Variants in EFCAB3 observed in about 807,000 individuals in gnomAD.
EFCAB3 encodes the protein EF-hand calcium-binding domain-containing protein 3.
EFCAB3 carries 36 observed loss-of-function variants against 42.2 expected under a neutral mutation model. That is an observed-to-expected ratio of 0.85 (90% CI 0.65 to 1.13). The LOEUF is 1.13. Ranked by LOEUF, EFCAB3 falls within the 50% of genes most tolerant of loss-of-function variation. The probability of loss-of-function intolerance (pLI) is 0.00; values close to 1 mark genes in which losing one functional copy is unlikely to be tolerated. For synonymous variants in EFCAB3, 170 were observed against 172.8 expected, an observed-to-expected ratio of 0.98 and a Z score of 0.13; for missense variants, 418 against 505.1, an observed-to-expected ratio of 0.83 and a Z score of 1.65.
At position 62,406,509 on chromosome 17, in the gene EFCAB3, G is replaced by C. The variant is rs937396726; in HGVS notation, c.518G>C (p.Gly173Ala). The C allele has an allele frequency of 5.6e-6, 9 of 1,605,828 alleles. No individual in the cohort carries two copies. The Admixed American group carries it at 8.4e-5, about 15-fold the overall frequency. ...SYFQRKFQHT[G>A]PGMLWSPYTM... ...TTCCAAAGAAAATTCCAGCATACTG[G>C]CCCAGGAATGTTGTGGAGTCCCTAC... Residue 173 changes from glycine to alanine, a missense_variant, in exon 7 of 10, where the codon GGC becomes GCC. Physicochemically the swap from Gly to Ala is moderately conservative, Grantham distance 60 (BLOSUM62 0). Coordinates refer to ENST00000305286, the MANE Select transcript of EFCAB3 (RefSeq NM_173503.4).
chr17:62,372,911 C>A (rs573707737), intron 1 of EFCAB3, among the ~76,000 whole-genome samples: 81 of 152,294 alleles, frequency 5.3e-4, no homozygotes, highest in Non-Finnish European at 5.9e-4. Context: ...CCTCAAAATA[C>A]CTTGTTCCTT....
chr17:62,391,867 G>C lies in EFCAB3; in HGVS notation c.197G>C (p.Cys66Ser), dbSNP rs766872850. Residue 66 changes from cysteine to serine, a missense_variant, in exon 4 of 10, where the codon TGT (cysteine) becomes TCT (serine). Coordinates refer to ENST00000305286, the MANE Select transcript of EFCAB3 (RefSeq NM_173503.4). The part of the protein sequence containing the change: ...YNFFYKDKTG[C>S]IDFHGLMCTV... The stretch of plus-strand genomic sequence containing the variant: ...TTCTTCTACAAGGACAAAACTGGCT[G>C]TATTGATTTCCATGGACTGATGTGC... 3.7e-6 allele frequency: 6 copies of C among 1,613,616 alleles called. No individual in the cohort carries two copies. The highest frequency in any genetic ancestry group is 4.2e-6 in the Non-Finnish European group (5 of 1,179,824).
rs183232780 is a variant in EFCAB3 at position 62,410,943 on chromosome 17, G to C, written c.868-2789G>C. ...TCTGCTCAAAGCTCTGAATAGAGAA[G>C]AAAGTATTCTGTGAAGAATTTGAAA... is the stretch of plus-strand genomic sequence containing the variant. On this transcript the variant is annotated intron_variant, in intron 8 of 9. Transcript: ENST00000305286. 9.0e-4 allele frequency among the ~76,000 whole-genome samples: 137 copies of C among 152,298 alleles called. No individual in the cohort carries two copies. The East Asian group carries it at 0.017, about 19-fold the overall frequency.
chr17:62,370,519 G>T (rs1374104500), intron 1 of EFCAB3, among the ~76,000 whole-genome samples: 1 of 152,112 alleles, frequency 6.6e-6, no homozygotes, highest in Non-Finnish European at 1.5e-5. Flanking sequence ...AACTGGGCGT[G>T]GTGGTGGGCA....
rs751024550 is a variant in EFCAB3, at chr17:62,416,133, C to G, written c.1121C>G (p.Thr374Ser). The change falls in exon 10 of 10, where the codon ACC (threonine) becomes AGC (serine). Residue 374 changes from threonine to serine, a missense_variant. Transcript: ENST00000305286. ...MDSRNESFYD[T>S]FSTYTWSWNV... is the part of the protein sequence containing the mutation. ...TCTAGAAATGAGTCCTTTTATGACA[C>G]CTTTTCTACTTATACATGGTCCTGG... The G allele has an allele frequency of 2.5e-6, 4 of 1,613,950 alleles. No individual in the cohort carries two copies. The East Asian group carries it at 8.9e-5, about 36-fold the overall frequency.
chr17:62,404,014 C>T (rs1045280433), intron 6 of EFCAB3, among the ~76,000 whole-genome samples: 1 of 152,164 alleles, frequency 6.6e-6, no homozygotes, highest in Non-Finnish European at 1.5e-5. Context: ...TCAAATACTC[C>T]ATGCTCTCTC....
chr17:62,415,905 T>C, intron 9 of EFCAB3, 98 bp from the exon 10 acceptor site: 1 of 1,044,680 alleles, frequency 9.6e-7, no homozygotes, highest in South Asian at 1.7e-5. Context: ...GACTTTCGAG[T>C]AGCCCAGGGA....
At chr17:62,378,798 T>C (rs2070171352), upstream of EFCAB3, among the ~76,000 whole-genome samples, 1 of 151,454 alleles carries the variant, frequency 6.6e-6, no homozygotes, top group African/African-American at 2.4e-5. Flanking sequence ...AGGGGAGAGA[T>C]AGCATTAGGA....
chr17:62,391,651 C>T (rs2070303102), intron 3 of EFCAB3, among the ~76,000 whole-genome samples, 171 bp from the exon 4 acceptor site: 1 of 152,098 alleles, frequency 6.6e-6, no homozygotes, highest in Non-Finnish European at 1.5e-5. Flanking sequence ...AGTTCAAGTT[C>T]CGTGGAAGGA....
rs978325164 is a variant in EFCAB3, at chr17:62,415,114, A to C, written c.991-889A>C. Among the ~76,000 whole-genome samples, 53 of 147,040 alleles carry C rather than the reference A, an allele frequency of 3.6e-4. No homozygotes were observed. The East Asian group carries it at 6.4e-3, about 18-fold the overall frequency. ...GCAAGACTCCGTCTCAAAAACAAAA[A>C]AAAACAAAAAAAAACAAAAAAACCA... is the stretch of plus-strand genomic sequence containing the variant. On this transcript the variant is annotated intron_variant, in intron 9 of 9. Coordinates refer to ENST00000305286, the MANE Select transcript of EFCAB3 (RefSeq NM_173503.4).
intron 3 of EFCAB3, among the ~76,000 whole-genome samples, chr17:62,387,634 AAAG>A (rs1175549228): frequency 3.3e-5 from 5 of 152,218 alleles, no homozygotes; most frequent in Admixed American, 6.5e-5. Flanking sequence ...AACTGTATTC[AAAG>A]AAGAACTTGT....
intron 2 of EFCAB3, among the ~76,000 whole-genome samples, chr17:62,384,983 A>C (rs1045094655): frequency 1.3e-5 from 2 of 152,212 alleles, no homozygotes; most frequent in Non-Finnish European, 2.9e-5. Flanking sequence ...GAGCACATTT[A>C]AGGTAGGCTC....
intron 5 of EFCAB3, among the ~76,000 whole-genome samples, chr17:62,394,304 C>T (rs891381814): frequency 8.5e-5 from 13 of 152,056 alleles, no homozygotes; most frequent in African/African-American, 2.7e-4. Flanking sequence ...GGAGGCATTC[C>T]TTTTATTTAA....
At chr17:62,375,528 C>G (rs1234792653) in intron 2 of EFCAB3, among the ~76,000 whole-genome samples, 1 of 152,206 alleles carries the variant, frequency 6.6e-6, no homozygotes, top group Non-Finnish European at 1.5e-5. Context: ...CCCACTCTCA[C>G]AAAAGCTTAG....
rs181391675 is a variant in EFCAB3, at chr17:62,398,079, C to A, written c.488+2891C>A. The A allele has an allele frequency of 1.3e-5, 4 of 305,292 alleles. No homozygotes were observed. The South Asian group carries it at 1.5e-4, about 12-fold the overall frequency. 18.9% of individuals were successfully genotyped at this position (305,292 alleles called of 1,614,324 possible). On this transcript the variant is annotated intron_variant, in intron 6 of 9. Transcript: ENST00000305286. Reference sequence around the variant, plus strand: ...TTCCTGGAGTCTGCTTTAAGGTTGTCAAAGTGCCCAATGTCTCTCTTTTGG... The same window carrying A: ...TTCCTGGAGTCTGCTTTAAGGTTGTAAAAGTGCCCAATGTCTCTCTTTTGG...
In EFCAB3 at chr17:62,385,083, C is replaced by G. The variant is rs1207171938; in HGVS notation, c.74+2030C>G. Among the ~76,000 whole-genome samples the G allele has an allele frequency of 2.6e-5, 4 of 152,126 alleles. No individual in the cohort carries two copies. In the East Asian group the frequency reaches 7.7e-4, roughly 29 times the overall value. On this transcript the variant is annotated intron_variant, in intron 2 of 9. Transcript: ENST00000305286. ...TGGGTTTATAAGGAGGTAACCCCAT[C>G]ATGAATCAAGGAACATCTGTACAAT...
chr17:62,405,480 C>T (rs1353301029), intron 6 of EFCAB3, among the ~76,000 whole-genome samples: 1 of 152,190 alleles, frequency 6.6e-6, no homozygotes, highest in Non-Finnish European at 1.5e-5. Context: ...TACACTTTGT[C>T]CTCTGAGACA....
intron 8 of EFCAB3, among the ~76,000 whole-genome samples, 189 bp downstream of exon 8, chr17:62,407,401 A>C (rs2070457873): frequency 1.3e-5 from 2 of 152,334 alleles, no homozygotes; most frequent in Admixed American, 1.3e-4. Flanking sequence ...AGGTAAACTT[A>C]CTAAAAAATA....
chr17:62,398,916 G>A (rs1442649042), intron 6 of EFCAB3, among the ~76,000 whole-genome samples: 5 of 152,092 alleles, frequency 3.3e-5, no homozygotes, highest in Non-Finnish European at 4.4e-5. Flanking sequence ...AGTTGACACC[G>A]TTTATTGAAT....
Sources: gnomAD v4.1 joint callset for allele counts (sites outside exome capture counted in the v4.1 genomes callset) on GRCh38, gnomAD v4.1.1 for gene constraint, MANE v1.5 for transcripts, NCBI Gene and HGNC (gene_info 2026-07-23, HGNC 2026-07-21) for gene names.